Variants in ZDHHC11B observed in about 807,000 individuals in gnomAD.
ZDHHC11B encodes the protein zDHHC palmitoyltransferase 11B (putative).
Under a neutral mutation model 42.3 loss-of-function variants are expected in ZDHHC11B, and 17 were observed. The ratio of observed to expected loss-of-function variants is 0.40; its 90% confidence interval spans 0.27 to 0.60. The LOEUF is 0.60. Among genes scored for constraint, ZDHHC11B ranks in the 20% least tolerant of loss-of-function variants. The pLI is 0.41. For missense variants in ZDHHC11B, 262 were observed against 463.2 expected (o/e 0.57, Z 3.99); for synonymous variants, 123 against 193.5 (o/e 0.64, Z 3.02).
At chr5:769,760 CTCT>C (rs1438360151) in intron 1 of ZDHHC11B, among the ~76,000 whole-genome samples, 1 of 152,006 alleles carries the variant, frequency 6.6e-6, no homozygotes, top group Admixed American at 6.6e-5. Context: ...CATCTAACAG[CTCT>C]TCTTTTTCTA....
At chr5:754,320 C>CCTGCTCAGGGGAA (rs1746256536) in intron 6 of ZDHHC11B, among the ~76,000 whole-genome samples, 1 of 126,464 alleles carries the variant, frequency 7.9e-6, no homozygotes, top group Non-Finnish European at 1.7e-5. Context: ...GAGCCTCCAC[C>CCTGCTCAGGGGAA]ACGCTCAGGG....
At chr5:761,534 G>A (rs1398271657) in intron 4 of ZDHHC11B, among the ~76,000 whole-genome samples, 10 of 152,020 alleles carry the variant, frequency 6.6e-5, no homozygotes, top group African/African-American at 2.2e-4. Flanking sequence ...CTTGGGCCTG[G>A]CAGAGAGAGG....
Position 766,721 on chromosome 5 carries a change from A to C in ZDHHC11B, c.199T>G (p.Ser67Ala). Residue 67 changes from serine (S) to alanine (A), a missense_variant, in exon 4 of 14, where the codon TCG (serine) becomes GCG (alanine). Physicochemically the swap from Ser to Ala is moderately conservative, Grantham distance 99. Transcript: ENST00000508859. Reference sequence around the variant, plus strand: ...ACCACATAGGCGATGTATTTCCACGAGTGAGGCAGGAGGGGAATGAAGATC... The same window carrying C: ...ACCACATAGGCGATGTATTTCCACGCGTGAGGCAGGAGGGGAATGAAGATC... The part of the protein sequence containing the change: ...FRIFIPLLPH[S>A]WKYIAYVVTG... 2.5e-6 allele frequency: 4 copies of C among 1,611,052 alleles called. No individual in the cohort carries two copies. The highest frequency in any genetic ancestry group is 2.2e-5 in the East Asian group (1 of 44,820).
rs552131599 is a variant in ZDHHC11B at position 756,235 on chromosome 5, C to T, written c.223-91G>A. On this transcript the variant is annotated intron_variant, in intron 4 of 13. Transcript: ENST00000508859. ...CCCAAGGTCCCAGAAGAGGCGTGGC[C>T]ACTGGTCAGCCCTGCTCACCCAGCC... The T allele has an allele frequency of 6.5e-4, 998 of 1,529,716 alleles. 16 individuals are homozygous for T. The highest frequency in any genetic ancestry group is 8.3e-4 in the Non-Finnish European group (934 of 1,131,712). The allele number at this position is 1,529,716 out of a possible 1,614,324, so 94.8% of individuals were successfully genotyped here. A position where few individuals can be genotyped will look rare whatever the true frequency, so the allele number is the denominator to read the frequency against.
At chr5:755,353 C>T (rs1426688998) in intron 5 of ZDHHC11B, among the ~76,000 whole-genome samples, 4 of 104,678 alleles carry the variant, frequency 3.8e-5, no homozygotes, top group Admixed American at 1.1e-4. Flanking sequence ...TGAGCATAGA[C>T]CCCCCGCCAG....
chr5:714,961 C>A (rs144253010), intron 13 of ZDHHC11B, among the ~76,000 whole-genome samples: 1 of 151,006 alleles, frequency 6.6e-6, no homozygotes, highest in Admixed American at 6.6e-5. Context: ...GAGCCTCCCC[C>A]AGCCCTTCGC....
intron 12 of ZDHHC11B, among the ~76,000 whole-genome samples, chr5:718,011 G>T (rs533810747): frequency 9.2e-5 from 14 of 151,882 alleles, no homozygotes; most frequent in Non-Finnish European, 1.8e-4. Flanking sequence ...GGAAGTGACA[G>T]GACTCAGTAA....
chr5:732,882 T>C (rs893232956), intron 11 of ZDHHC11B, among the ~76,000 whole-genome samples: 2 of 151,792 alleles, frequency 1.3e-5, no homozygotes, highest in African/African-American at 4.9e-5. Flanking sequence ...ATCCCATCTC[T>C]TAAGAAATAA....
At chr5:778,077 G>A (rs909730735) in intron 1 of ZDHHC11B, among the ~76,000 whole-genome samples, 8 of 151,950 alleles carry the variant, frequency 5.3e-5, no homozygotes, top group Non-Finnish European at 1.2e-4. Flanking sequence ...GGGGCAAGGG[G>A]GCTCCCAGAC....
intron 12 of ZDHHC11B, among the ~76,000 whole-genome samples, chr5:728,112 G>A (rs1207447879): frequency 6.6e-6 from 1 of 151,698 alleles, no homozygotes. Flanking sequence ...CATTTGAAAA[G>A]CTAATTCATA....
chr5:742,132 A>T lies in ZDHHC11B; in HGVS notation c.901-504T>A, dbSNP rs534634484. On this transcript the variant is annotated intron_variant, in intron 9 of 13. Transcript: ENST00000508859. Reference sequence around the variant, plus strand: ...TCTACCTTGGTAAGGAGTTTGTTCAAATCTTTTGCCCATTTTTTATATGTA... The same window carrying T: ...TCTACCTTGGTAAGGAGTTTGTTCATATCTTTTGCCCATTTTTTATATGTA... Among the ~76,000 whole-genome samples, 228 of 120,112 alleles carry T rather than the reference A, an allele frequency of 1.9e-3. 1 individual carries two copies. The highest frequency in any genetic ancestry group is 0.014 in the East Asian group (44 of 3,160). The allele number at this position is 120,112 out of a possible 152,430, so 78.8% of individuals were successfully genotyped here.
chr5:748,367 G>C (rs3817065), intron 8 of ZDHHC11B, 37 bp downstream of exon 8: 637,490 of 1,062,694 alleles, frequency 0.6, 257,775 homozygotes, highest in East Asian at 0.96. Context: ...GACCAACCAG[G>C]CTTGGGGGGA....
chr5:770,609 C>T (rs1056059904), intron 1 of ZDHHC11B, among the ~76,000 whole-genome samples: 2 of 152,030 alleles, frequency 1.3e-5, no homozygotes, highest in Non-Finnish European at 2.9e-5. Context: ...TGGGAAGGTC[C>T]ACAGCAGTCG....
At chr5:777,385 G>C (rs1212540252) in intron 1 of ZDHHC11B, among the ~76,000 whole-genome samples, 2 of 151,822 alleles carry the variant, frequency 1.3e-5, no homozygotes, top group African/African-American at 4.8e-5. Flanking sequence ...CGGTGGGCTC[G>C]TGGTCTGGCT....
chr5:773,943 C>T (rs1736257855), intron 1 of ZDHHC11B, among the ~76,000 whole-genome samples: 1 of 151,934 alleles, frequency 6.6e-6, no homozygotes, highest in South Asian at 2.1e-4. Context: ...TTGAAGAGGA[C>T]AGAAGATGAG....
chr5:783,240 A>C (rs1243198914), intron 1 of ZDHHC11B, among the ~76,000 whole-genome samples: 1 of 152,214 alleles, frequency 6.6e-6, no homozygotes, highest in Non-Finnish European at 1.5e-5. Flanking sequence ...CCCCTCCCCC[A>C]CAGGCCCTCC....
chr5:759,344 C>G lies in ZDHHC11B; in HGVS notation c.223-3200G>C, dbSNP rs149576275. On this transcript the variant is annotated intron_variant, in intron 4 of 13. Coordinates refer to ENST00000508859, the MANE Select transcript of ZDHHC11B (RefSeq NM_001351303.2). ...GAGGAGGTGGAGAGCGAGCCCACAG[C>G]CCCTACTCCTGGGGCCCGGTGCGGT... Among the ~76,000 whole-genome samples, 1,222 of 151,694 alleles carry G rather than the reference C, an allele frequency of 8.1e-3. 37 individuals are homozygous for G. Among genetic ancestry groups the G allele is most frequent in the African/African-American group, 0.028 (1,165 of 41,130 alleles).
chr5:731,548 A>G (rs2127004394), intron 11 of ZDHHC11B, among the ~76,000 whole-genome samples: 1 of 151,276 alleles, frequency 6.6e-6, no homozygotes, highest in South Asian at 2.1e-4. Flanking sequence ...TCAATCTTTC[A>G]CCCATTTAAA....
chr5:713,821 C>A (rs1460479722), intron 13 of ZDHHC11B, among the ~76,000 whole-genome samples: 1 of 151,788 alleles, frequency 6.6e-6, no homozygotes, highest in African/African-American at 2.4e-5. Context: ...TTTGCCACTG[C>A]AATGAGGGTA....
Sources: allele counts gnomAD v4.1 joint callset (sites outside exome capture counted in the v4.1 genomes callset), GRCh38; gene constraint gnomAD v4.1.1; transcripts MANE v1.5; gene names NCBI Gene and HGNC (gene_info 2026-07-23, HGNC 2026-07-21).